INPP4B: variants seen among roughly 807,000 people sequenced by gnomAD.
The protein encoded by INPP4B is inositol polyphosphate 4-phosphatase type II.
Under a neutral mutation model 122.5 loss-of-function variants are expected in INPP4B, and 55 were observed. The ratio of observed to expected loss-of-function variants is 0.45; its 90% CI spans 0.36 to 0.56. The LOEUF is 0.56. Ranked by LOEUF, INPP4B falls within the 20% of genes least tolerant of loss-of-function variation. INPP4B has a pLI of 0.00. For synonymous variants in INPP4B, 403 were observed against 388.7 expected (o/e 1.04, Z -0.43); for missense variants, 1,000 against 1,097.7 (o/e 0.91, Z 1.26).
chr4:142,268,322 C>CAAAAAAAAAA (rs56908599), intron 10 of INPP4B, among the ~76,000 whole-genome samples: 137 of 6,896 alleles, frequency 0.02, 33 homozygotes, highest in African/African-American at 0.037. Flanking sequence ...GACTCCGTCT[C>CAAAAAAAAAA]AAAAAAAAAA....
intron 2 of INPP4B, among the ~76,000 whole-genome samples, chr4:142,605,484 G>A (rs538047457): frequency 6.6e-6 from 1 of 152,028 alleles, no homozygotes; most frequent in South Asian, 2.1e-4. Context: ...ACACGTTGAA[G>A]AGACAACCTC....
At chr4:142,504,190 TAAG>T (rs1823724707) in intron 2 of INPP4B, among the ~76,000 whole-genome samples, 2 of 151,842 alleles carry the variant, frequency 1.3e-5, no homozygotes, top group South Asian at 4.2e-4. Flanking sequence ...TTAAAATTAA[TAAG>T]AAGACAACTC....
intron 2 of INPP4B, among the ~76,000 whole-genome samples, chr4:142,617,254 A>G (rs1352092584): frequency 6.6e-6 from 1 of 152,012 alleles, no homozygotes; most frequent in Non-Finnish European, 1.5e-5. Context: ...CAGCCGCACT[A>G]TTTCTATTGA....
At chr4:142,455,370 A>T (rs180978109) in intron 3 of INPP4B, among the ~76,000 whole-genome samples, 1 of 152,106 alleles carries the variant, frequency 6.6e-6, no homozygotes, top group Non-Finnish European at 1.5e-5. Flanking sequence ...TAAGAGTTCA[A>T]TTGTTTTGAT....
At chr4:142,169,105 C>T (rs953879670) in intron 16 of INPP4B, among the ~76,000 whole-genome samples, 5 of 151,504 alleles carry the variant, frequency 3.3e-5, no homozygotes, top group Admixed American at 2.6e-4. Flanking sequence ...TATATAGTCT[C>T]ATTGTCAATG....
At chr4:142,633,864 G>T (rs1024156018) in intron 2 of INPP4B, among the ~76,000 whole-genome samples, 1 of 151,976 alleles carries the variant, frequency 6.6e-6, no homozygotes, top group Non-Finnish European at 1.5e-5. Flanking sequence ...AAAGATAAAA[G>T]GTAGATATTA....
chr4:142,106,383 A>G (rs1476733230), intron 23 of INPP4B, among the ~76,000 whole-genome samples: 3 of 152,088 alleles, frequency 2.0e-5, no homozygotes, highest in Non-Finnish European at 2.9e-5. Context: ...GGCTCAAGCC[A>G]TACTCCCACC....
chr4:142,255,609 G>C (rs1320442805), intron 11 of INPP4B, among the ~76,000 whole-genome samples: 1 of 152,098 alleles, frequency 6.6e-6, no homozygotes, highest in Non-Finnish European at 1.5e-5. Flanking sequence ...GACAAAGAAG[G>C]CCATTACATA....
At chr4:142,664,594 C>T (rs184788989) in intron 2 of INPP4B, among the ~76,000 whole-genome samples, 2 of 151,616 alleles carry the variant, frequency 1.3e-5, no homozygotes, top group East Asian at 3.9e-4. Flanking sequence ...CTAAAGATAA[C>T]AGTAAAATAA....
chr4:142,779,186 A>T (rs1042882202), intron 1 of INPP4B, among the ~76,000 whole-genome samples: 2 of 151,940 alleles, frequency 1.3e-5, no homozygotes, highest in Non-Finnish European at 2.9e-5. Context: ...AAAACTCAAT[A>T]TTTTTTTCTG....
chr4:142,071,257 T>A (rs1403998900), intron 25 of INPP4B, among the ~76,000 whole-genome samples: 1 of 152,148 alleles, frequency 6.6e-6, no homozygotes, highest in Non-Finnish European at 1.5e-5. Context: ...ATTTAATAAA[T>A]GGTGCTGGGA....
intron 1 of INPP4B, among the ~76,000 whole-genome samples, chr4:142,738,569 C>G (rs768144836): frequency 5.9e-5 from 9 of 151,844 alleles, no homozygotes; most frequent in Non-Finnish European, 1.2e-4. Context: ...TGTAACAAAC[C>G]TGCAAGTTGT....
At chr4:142,313,491 A>C (rs1288318470) in intron 8 of INPP4B, among the ~76,000 whole-genome samples, 1 of 152,106 alleles carries the variant, frequency 6.6e-6, no homozygotes, top group Non-Finnish European at 1.5e-5. Context: ...GGGTGGTACT[A>C]GTGGAAACAT....
chr4:142,543,973 T>C (rs958675399), intron 2 of INPP4B, among the ~76,000 whole-genome samples: 1 of 152,038 alleles, frequency 6.6e-6, no homozygotes, highest in Non-Finnish European at 1.5e-5. Context: ...TCATCCTACA[T>C]GTAGGTTTAA....
chr4:142,420,761 T>C (rs936812949), intron 5 of INPP4B, among the ~76,000 whole-genome samples: 8 of 152,106 alleles, frequency 5.3e-5, no homozygotes, highest in African/African-American at 1.7e-4. Context: ...GAGGCAACTG[T>C]TGAGCCTGTA....
At chr4:142,135,753 C>G (rs1160563624) in intron 18 of INPP4B, among the ~76,000 whole-genome samples, 1 of 151,886 alleles carries the variant, frequency 6.6e-6, no homozygotes, top group Non-Finnish European at 1.5e-5. Context: ...TGGTGTTGCT[C>G]CAGACCTGTC....
At chr4:142,414,006 G>A (rs1456826558) in intron 5 of INPP4B, among the ~76,000 whole-genome samples, 1 of 152,080 alleles carries the variant, frequency 6.6e-6, no homozygotes, top group Non-Finnish European at 1.5e-5. Context: ...AGGAATATAG[G>A]TAATAATTTG....
At chr4:142,398,445 T>TATATATATATA (rs749321202) in intron 7 of INPP4B, among the ~76,000 whole-genome samples, 12 of 74,550 alleles carry the variant, frequency 1.6e-4, no homozygotes, top group Non-Finnish European at 2.3e-4. Context: ...TATATATATA[T>TATATATATATA]AAAACATATT....
At chr4:142,657,414 C>A (rs1754359851) in intron 2 of INPP4B, among the ~76,000 whole-genome samples, 1 of 152,204 alleles carries the variant, frequency 6.6e-6, no homozygotes, top group Non-Finnish European at 1.5e-5. Context: ...GAACTAATCA[C>A]ACCCTTAACT....
Sources: allele counts gnomAD v4.1 joint callset (sites outside exome capture counted in the v4.1 genomes callset), GRCh38; gene constraint gnomAD v4.1.1; transcripts MANE v1.5; gene names NCBI Gene and HGNC (gene_info 2026-07-23, HGNC 2026-07-21).